Variants in SRPK2 observed in about 807,000 individuals in gnomAD.
SRPK2 encodes the protein SFRS protein kinase 2.
SRPK2 carries 21 observed loss-of-function variants against 90.8 expected under a neutral mutation model. The observed-to-expected ratio is 0.23, with a 90% confidence interval of 0.16 to 0.33. The LOEUF (loss-of-function observed/expected upper bound fraction) is 0.33. SRPK2 is among the 10% of genes least tolerant of loss of function. SRPK2 has a pLI of 1.00. For synonymous variants in SRPK2, 288 were observed against 311.1 expected (o/e 0.93, Z 0.78); for missense variants, 620 against 869.0 (o/e 0.71, Z 3.60).
chr7:105,392,561 T>C (rs924362326), upstream of SRPK2, among the ~76,000 whole-genome samples: 8 of 152,200 alleles, frequency 5.3e-5, no homozygotes, highest in African/African-American at 1.9e-4. Flanking sequence ...TTGCCGAGGC[T>C]GGAGTGCAAT....
At chr7:105,177,132 G>GA (rs143244804) in intron 3 of SRPK2, among the ~76,000 whole-genome samples, 96 of 148,154 alleles carry the variant, frequency 6.5e-4, no homozygotes, top group East Asian at 3.4e-3. Flanking sequence ...ATTAAATCAG[G>GA]AAAAAAAAAC....
At chr7:105,166,109 T>C (rs538555120) in intron 6 of SRPK2, among the ~76,000 whole-genome samples, 1 of 152,196 alleles carries the variant, frequency 6.6e-6, no homozygotes, top group Admixed American at 6.5e-5. Flanking sequence ...CCTACACTTA[T>C]AGCTGACCAA....
upstream of SRPK2, chr7:105,388,987 C>G (rs1822015495): frequency 1.3e-5 from 14 of 1,045,368 alleles, no homozygotes; most frequent in South Asian, 4.5e-5. Flanking sequence ...CGGCCCCGCC[C>G]CCGCCCCGCC....
At chr7:105,268,580 G>C (rs1252222824) in intron 2 of SRPK2, among the ~76,000 whole-genome samples, 1 of 152,074 alleles carries the variant, frequency 6.6e-6, no homozygotes. Context: ...CTGTGTTATG[G>C]TGTGCATGCT....
At chr7:105,253,582 T>G (rs1304125428) in intron 2 of SRPK2, among the ~76,000 whole-genome samples, 1 of 152,144 alleles carries the variant, frequency 6.6e-6, no homozygotes, top group African/African-American at 2.4e-5. Flanking sequence ...CAATGTTTCA[T>G]TTCACCCTGA....
chr7:105,374,161 A>G (rs1820031318), intron 2 of SRPK2, among the ~76,000 whole-genome samples: 1 of 152,020 alleles, frequency 6.6e-6, no homozygotes, highest in African/African-American at 2.4e-5. Flanking sequence ...TCCTCACCTC[A>G]AGTGATCTGC....
intron 2 of SRPK2, among the ~76,000 whole-genome samples, chr7:105,312,211 G>A (rs1308833156): frequency 6.6e-6 from 1 of 152,192 alleles, no homozygotes; most frequent in Non-Finnish European, 1.5e-5. Flanking sequence ...GGAGGCCAAG[G>A]TGGGGGGATC....
chr7:105,151,313 T>C (rs1393852782), intron 7 of SRPK2, among the ~76,000 whole-genome samples: 1 of 152,226 alleles, frequency 6.6e-6, no homozygotes, highest in Non-Finnish European at 1.5e-5. Context: ...CTCATTGTGT[T>C]ACCCCTGGGC....
intron 2 of SRPK2, among the ~76,000 whole-genome samples, chr7:105,385,322 A>G (rs1171532150): frequency 6.6e-6 from 1 of 150,848 alleles, no homozygotes; most frequent in African/African-American, 2.4e-5. Context: ...CTGAGACTAC[A>G]GGCGCCCGCC....
intron 2 of SRPK2, among the ~76,000 whole-genome samples, chr7:105,218,046 T>C (rs1797672614): frequency 6.6e-6 from 1 of 152,098 alleles, no homozygotes; most frequent in Non-Finnish European, 1.5e-5. Context: ...TCAATAGATC[T>C]AGCTAGGAAA....
intron 3 of SRPK2, among the ~76,000 whole-genome samples, chr7:105,170,969 G>GAAAGA (rs1791004403): frequency 2.0e-5 from 1 of 51,120 alleles, no homozygotes. Context: ...GAAAGAAAGA[G>GAAAGA]AAAGAAAGAG....
intron 3 of SRPK2, among the ~76,000 whole-genome samples, chr7:105,173,022 C>G (rs1055857824): frequency 6.6e-6 from 1 of 152,118 alleles, no homozygotes; most frequent in African/African-American, 2.4e-5. Flanking sequence ...TGAAAGCTAA[C>G]AACAACAAAA....
intron 3 of SRPK2, chr7:105,189,807 T>C (rs145786047): frequency 2.6e-5 from 4 of 152,628 alleles, no homozygotes; most frequent in South Asian, 2.0e-4. Context: ...GATGATGGCA[T>C]GGGCTTTGGT....
intron 2 of SRPK2, among the ~76,000 whole-genome samples, chr7:105,353,166 T>C (rs1044785358): frequency 7.2e-5 from 11 of 152,188 alleles, no homozygotes; most frequent in Non-Finnish European, 1.3e-4. Flanking sequence ...TGACTCTTAA[T>C]TGAAAAAAGT....
intron 3 of SRPK2, among the ~76,000 whole-genome samples, chr7:105,176,555 A>ATG (rs759052609): frequency 1.1e-4 from 13 of 119,800 alleles, no homozygotes; most frequent in South Asian, 8.2e-4. Context: ...GGTTTTGCAT[A>ATG]TATGTGTGTG....
chr7:105,238,381 C>T (rs1436663252), intron 2 of SRPK2, among the ~76,000 whole-genome samples: 1 of 152,250 alleles, frequency 6.6e-6, no homozygotes, highest in African/African-American at 2.4e-5. Flanking sequence ...TCTGTCCTTA[C>T]TCCCAGGCAG....
At chr7:105,339,733 T>C (rs914601743) in intron 2 of SRPK2, among the ~76,000 whole-genome samples, 2 of 152,210 alleles carry the variant, frequency 1.3e-5, no homozygotes, top group Admixed American at 6.5e-5. Context: ...AGTGCCTTGA[T>C]TGATGCTAAT....
chr7:105,169,906 C>T (rs1438964428), intron 3 of SRPK2, among the ~76,000 whole-genome samples: 1 of 152,132 alleles, frequency 6.6e-6, no homozygotes, highest in Non-Finnish European at 1.5e-5. Context: ...ACCTCTGATT[C>T]CCAGGCTGAA....
At chr7:105,221,669 A>G (rs1049698899) in intron 2 of SRPK2, among the ~76,000 whole-genome samples, 1 of 152,126 alleles carries the variant, frequency 6.6e-6, no homozygotes, top group South Asian at 2.1e-4. Context: ...CCCCCTGTCC[A>G]CAACAGTCCT....
Sources: allele counts gnomAD v4.1 joint callset (sites outside exome capture counted in the v4.1 genomes callset), GRCh38; gene constraint gnomAD v4.1.1; transcripts MANE v1.5; gene names NCBI Gene and HGNC (gene_info 2026-07-23, HGNC 2026-07-21).